Variants in PCDH15 observed in about 807,000 individuals in gnomAD.
PCDH15 encodes protocadherin-15.
PCDH15 carries 129 observed loss-of-function variants against 178.5 expected under a neutral mutation model. That is an observed-to-expected ratio of 0.72 (90% confidence interval 0.63 to 0.84). PCDH15 has a LOEUF of 0.84. Ranked by LOEUF, PCDH15 falls within the 40% of genes least tolerant of loss-of-function variation. The probability of loss-of-function intolerance (pLI) is 0.00; values close to 1 mark genes in which losing one functional copy is unlikely to be tolerated. For missense variants in PCDH15, 2,230 were observed against 2,099.9 expected (o/e 1.06, Z -1.21); for synonymous variants, 800 against 732.0 (o/e 1.09, Z -1.50).
chr10:55,513,880 C>T (rs1401296772), intron 2 of PCDH15, among the ~76,000 whole-genome samples: 1 of 151,980 alleles, frequency 6.6e-6, no homozygotes, highest in Non-Finnish European at 1.5e-5. Context: ...TTCAATTACA[C>T]TTTTAAAAAG....
intron 1 of PCDH15, among the ~76,000 whole-genome samples, chr10:54,742,715 A>G (rs1944966606): frequency 6.6e-6 from 1 of 152,022 alleles, no homozygotes; most frequent in Admixed American, 6.6e-5. Context: ...TAAGGCCTGC[A>G]TTCTAGAAAG....
intron 3 of PCDH15, among the ~76,000 whole-genome samples, chr10:54,462,299 C>T (rs1044807311): frequency 2.9e-5 from 4 of 139,790 alleles, no homozygotes; most frequent in Non-Finnish European, 6.1e-5. Flanking sequence ...CACACACACA[C>T]ATATATATAT....
intron 2 of PCDH15, among the ~76,000 whole-genome samples, chr10:55,608,476 ACT>A (rs1843283645): frequency 6.6e-6 from 1 of 150,852 alleles, no homozygotes; most frequent in African/African-American, 2.4e-5. Flanking sequence ...AGCAGATGAG[ACT>A]CTTCCTTGGC....
At chr10:54,926,584 G>C (rs1297193504) in intron 2 of PCDH15, among the ~76,000 whole-genome samples, 4 of 151,542 alleles carry the variant, frequency 2.6e-5, no homozygotes, top group Admixed American at 6.6e-5. Context: ...CTGGTGCTGG[G>C]CTTTTTTTTT....
chr10:54,737,522 G>A (rs565505175), intron 1 of PCDH15, among the ~76,000 whole-genome samples: 1 of 152,206 alleles, frequency 6.6e-6, no homozygotes, highest in South Asian at 2.1e-4. Context: ...TGAAAAGAGT[G>A]TTAACTACTA....
At chr10:55,003,304 G>A (rs2131932700) in intron 2 of PCDH15, among the ~76,000 whole-genome samples, 1 of 152,204 alleles carries the variant, frequency 6.6e-6, no homozygotes, top group South Asian at 2.1e-4. Context: ...TTGAGATTAT[G>A]CCATTAGAAA....
chr10:54,086,443 C>T (rs2136014575), intron 16 of PCDH15, among the ~76,000 whole-genome samples: 1 of 152,202 alleles, frequency 6.6e-6, no homozygotes, highest in East Asian at 1.9e-4. Context: ...TTTGGAGTGT[C>T]AAATATCCAA....
At chr10:55,151,561 C>A (rs1838714018) in intron 2 of PCDH15, among the ~76,000 whole-genome samples, 2 of 151,896 alleles carry the variant, frequency 1.3e-5, no homozygotes, top group South Asian at 4.2e-4. Context: ...AGGCAAAATA[C>A]CTTCAGACCT....
At chr10:54,263,726 T>TA (rs1312860109) in intron 8 of PCDH15, among the ~76,000 whole-genome samples, 1 of 147,124 alleles carries the variant, frequency 6.8e-6, no homozygotes, top group Non-Finnish European at 1.5e-5. Flanking sequence ...TCAAGGAGAA[T>TA]AAAAAATATA....
At chr10:55,346,973 G>C (rs1280119582) in intron 2 of PCDH15, among the ~76,000 whole-genome samples, 1 of 152,148 alleles carries the variant, frequency 6.6e-6, no homozygotes, top group South Asian at 2.1e-4. Context: ...CCAGCACTTT[G>C]GGGGGCTGAG....
chr10:55,579,197 T>C (rs765951025), intron 2 of PCDH15, among the ~76,000 whole-genome samples: 1 of 152,172 alleles, frequency 6.6e-6, no homozygotes, highest in Non-Finnish European at 1.5e-5. Flanking sequence ...TACACAGAAA[T>C]ATCTGATTGT....
At chr10:55,191,297 A>T (rs1246089571) in intron 1 of PCDH15, among the ~76,000 whole-genome samples, 1 of 151,766 alleles carries the variant, frequency 6.6e-6, no homozygotes, top group African/African-American at 2.4e-5. Flanking sequence ...TTCTATCAGC[A>T]GTTTTTCAGG....
chr10:54,944,725 T>C (rs928690146), intron 2 of PCDH15, among the ~76,000 whole-genome samples: 4 of 151,884 alleles, frequency 2.6e-5, no homozygotes, highest in Admixed American at 6.6e-5. Context: ...CAGGTAAGTA[T>C]GAAATTTTAT....
At chr10:54,160,687 G>A (rs1268981440) in intron 13 of PCDH15, among the ~76,000 whole-genome samples, 1 of 152,120 alleles carries the variant, frequency 6.6e-6, no homozygotes, top group Non-Finnish European at 1.5e-5. Context: ...ATAATTTATA[G>A]AGAATACTTA....
chr10:54,747,486 AC>A (rs1006991033), intron 1 of PCDH15, among the ~76,000 whole-genome samples: 1 of 152,362 alleles, frequency 6.6e-6, no homozygotes, highest in South Asian at 2.1e-4. Context: ...AAGGACTCTT[AC>A]ACCTACAAAG....
At chr10:53,947,124 C>A (rs912921562) in intron 23 of PCDH15, among the ~76,000 whole-genome samples, 4 of 152,064 alleles carry the variant, frequency 2.6e-5, no homozygotes, top group African/African-American at 9.7e-5. Flanking sequence ...ATATAGATTA[C>A]AATAAATCTT....
At chr10:54,693,748 G>A (rs12146324) in intron 1 of PCDH15, among the ~76,000 whole-genome samples, 28,871 of 151,974 alleles carry the variant, frequency 0.19, 3,450 homozygotes, top group Non-Finnish European at 0.27. Flanking sequence ...GAGAGTTTTA[G>A]ATGGAAGAGG....
chr10:54,965,726 T>G (rs1838769424), intron 2 of PCDH15, among the ~76,000 whole-genome samples: 1 of 150,594 alleles, frequency 6.6e-6, no homozygotes, highest in African/African-American at 2.4e-5. Context: ...TTTGAAACAT[T>G]TCCTCACTGG....
intron 2 of PCDH15, among the ~76,000 whole-genome samples, chr10:55,588,542 T>C (rs1842772073): frequency 6.6e-6 from 1 of 152,134 alleles, no homozygotes; most frequent in Admixed American, 6.6e-5. Context: ...CAATAACAAT[T>C]TAATGTCAAT....
Sources: allele counts gnomAD v4.1 joint callset (sites outside exome capture counted in the v4.1 genomes callset), GRCh38; gene constraint gnomAD v4.1.1; transcripts MANE v1.5; gene names NCBI Gene and HGNC (gene_info 2026-07-23, HGNC 2026-07-21).